The following CTNNA3 variants were observed in gnomAD, a reference collection of about 807,000 sequenced individuals.
The protein encoded by CTNNA3 is catenin alpha-3.
CTNNA3 carries 76 observed loss-of-function variants against 95.7 expected under a neutral mutation model. The ratio of observed to expected loss-of-function variants is 0.79; its 90% CI spans 0.66 to 0.96. The LOEUF (loss-of-function observed/expected upper bound fraction) is 0.96, where lower values mean the gene tolerates loss of function less well. CTNNA3 is among the 40% of genes least tolerant of loss of function. The pLI is 0.00. For missense variants in CTNNA3, 1,191 were observed against 1,089.8 expected (o/e 1.09, Z -1.31); for synonymous variants, 431 against 374.4 (o/e 1.15, Z -1.74).
At chr10:66,274,749 C>T (rs1256045622) in intron 13 of CTNNA3, among the ~76,000 whole-genome samples, 1 of 152,068 alleles carries the variant, frequency 6.6e-6, no homozygotes. Flanking sequence ...AATGTAACCA[C>T]CTCAAATGAT....
chr10:65,920,030 G>A lies in CTNNA3; in HGVS notation c.*300C>T. The A allele has an allele frequency of 2.8e-6, 1 of 357,872 alleles. No homozygotes were observed. Among genetic ancestry groups the A allele is most frequent in the South Asian group, 3.6e-5 (1 of 27,488 alleles). 22.2% of individuals were successfully genotyped at this position (357,872 alleles called of 1,614,324 possible). ...TAAACAGGACTCTCTGGCCTCTCCTGTGTTTATTTGGTAACGAATAGTAGA... is the reference window on the plus strand; with the variant it reads ...TAAACAGGACTCTCTGGCCTCTCCTATGTTTATTTGGTAACGAATAGTAGA... On this transcript the variant is annotated 3_prime_UTR_variant, in exon 18 of 18. Coordinates refer to ENST00000433211, the MANE Select transcript of CTNNA3 (RefSeq NM_013266.4).
chr10:67,632,099 T>A (rs1333126801), intron 2 of CTNNA3, among the ~76,000 whole-genome samples: 1 of 148,460 alleles, frequency 6.7e-6, no homozygotes, highest in African/African-American at 2.5e-5. Context: ...TGAAATTTGA[T>A]AAGAAAGTAG....
intron 5 of CTNNA3, among the ~76,000 whole-genome samples, chr10:67,345,724 G>C (rs905632304): frequency 1.3e-5 from 2 of 151,888 alleles, no homozygotes; most frequent in Non-Finnish European, 2.9e-5. Context: ...GTCTTTATAG[G>C]TGAAGTGTGT....
At chr10:67,597,710 G>A (rs1182126448) in intron 3 of CTNNA3, among the ~76,000 whole-genome samples, 1 of 152,200 alleles carries the variant, frequency 6.6e-6, no homozygotes, top group South Asian at 2.1e-4. Context: ...TGTCAGTGGG[G>A]TTCATGCTCA....
At chr10:66,481,597 G>T (rs1252222325) in intron 11 of CTNNA3, among the ~76,000 whole-genome samples, 1 of 143,074 alleles carries the variant, frequency 7.0e-6, no homozygotes, top group Non-Finnish European at 1.5e-5. Flanking sequence ...TCAGCCTCCC[G>T]AGTAGCTGGG....
chr10:66,327,245 A>G (rs963623866), intron 12 of CTNNA3, among the ~76,000 whole-genome samples: 5 of 152,126 alleles, frequency 3.3e-5, no homozygotes, highest in Non-Finnish European at 5.9e-5. Flanking sequence ...GTGAATGTTC[A>G]AATAGGAATG....
intron 5 of CTNNA3, among the ~76,000 whole-genome samples, chr10:67,515,805 T>A (rs936034595): frequency 2.0e-5 from 3 of 152,198 alleles, no homozygotes; most frequent in African/African-American, 7.2e-5. Flanking sequence ...TACTTCATCT[T>A]ACAAAGGTCA....
chr10:66,800,025 G>A (rs1171128409), intron 7 of CTNNA3, among the ~76,000 whole-genome samples: 1 of 151,194 alleles, frequency 6.6e-6, no homozygotes, highest in African/African-American at 2.4e-5. Flanking sequence ...AAAGTTCAGA[G>A]AATTAGTTCT....
At chr10:67,099,772 C>A (rs1353043088) in intron 7 of CTNNA3, 1 of 152,018 alleles carries the variant, frequency 6.6e-6, no homozygotes, top group Non-Finnish European at 1.5e-5. Context: ...ATTATTTGCT[C>A]TTCAAAAATT....
In CTNNA3 at chr10:65,932,446, C is replaced by T. The variant is rs140629232; in HGVS notation, c.2401-11829G>A. On this transcript the variant is annotated intron_variant, in intron 17 of 17. Coordinates refer to ENST00000433211, the MANE Select transcript of CTNNA3 (RefSeq NM_013266.4). ...ATGCTTTAAAATATTATCTATAATCCTAGTAACAGCCTTGTGATGTAGGTA... is the reference window on the plus strand; with the variant it reads ...ATGCTTTAAAATATTATCTATAATCTTAGTAACAGCCTTGTGATGTAGGTA... Among the ~76,000 whole-genome samples, 15 of 152,230 alleles carry T rather than the reference C, an allele frequency of 9.9e-5. No homozygotes were observed. In the East Asian group the frequency reaches 2.9e-3, roughly 29 times the overall value.
chr10:66,973,726 T>C (rs925602298), intron 7 of CTNNA3, among the ~76,000 whole-genome samples: 2 of 152,082 alleles, frequency 1.3e-5, no homozygotes, highest in Non-Finnish European at 2.9e-5. Context: ...CAGGTTCAAG[T>C]GATTCTCCTG....
intron 2 of CTNNA3, among the ~76,000 whole-genome samples, chr10:67,617,437 T>A (rs1478212818): frequency 1.3e-5 from 2 of 150,420 alleles, no homozygotes; most frequent in Non-Finnish European, 3.0e-5. Flanking sequence ...CATGATCTCA[T>A]TTTTTTTTAA....
chr10:66,836,206 T>C (rs1277585920), intron 7 of CTNNA3, among the ~76,000 whole-genome samples: 1 of 152,162 alleles, frequency 6.6e-6, no homozygotes, highest in African/African-American at 2.4e-5. Context: ...CCATGTTTGC[T>C]AGCCAGCTCC....
intron 5 of CTNNA3, among the ~76,000 whole-genome samples, chr10:67,515,889 G>T (rs1839796101): frequency 6.6e-6 from 1 of 152,124 alleles, no homozygotes; most frequent in African/African-American, 2.4e-5. Context: ...ATTCAGTCCA[G>T]CTCCCACTTA....
At chr10:66,068,972 G>T (rs1378509842) in intron 15 of CTNNA3, among the ~76,000 whole-genome samples, 1 of 152,076 alleles carries the variant, frequency 6.6e-6, no homozygotes, top group Non-Finnish European at 1.5e-5. Context: ...CAACCATTCA[G>T]ATAGCTCCAA....
chr10:67,571,943 A>G (rs1243906725), intron 3 of CTNNA3, among the ~76,000 whole-genome samples: 2 of 152,204 alleles, frequency 1.3e-5, no homozygotes, highest in African/African-American at 2.4e-5. Context: ...TTTTTCAACT[A>G]TAAGTTTTTA....
chr10:67,005,682 C>CTTTTTTTTTTTTTTG (rs1851928523), intron 7 of CTNNA3, among the ~76,000 whole-genome samples: 1 of 61,976 alleles, frequency 1.6e-5, no homozygotes, highest in Non-Finnish European at 2.9e-5. Flanking sequence ...TTTACTCCAT[C>CTTTTTTTTTTTTTTG]TTTTTTTTTT....
chr10:65,962,308 A>G (rs1043280892), intron 17 of CTNNA3, among the ~76,000 whole-genome samples: 12 of 152,146 alleles, frequency 7.9e-5, no homozygotes, highest in African/African-American at 1.2e-4. Flanking sequence ...ATGAGTTTCC[A>G]TACTCACCGT....
intron 10 of CTNNA3, among the ~76,000 whole-genome samples, chr10:66,615,080 G>T (rs1844463015): frequency 6.6e-6 from 1 of 151,890 alleles, no homozygotes; most frequent in South Asian, 2.1e-4. Flanking sequence ...AGCTCACTAT[G>T]GCTTAAAACA....
Sources: gnomAD v4.1 joint callset for allele counts (sites outside exome capture counted in the v4.1 genomes callset) on GRCh38, gnomAD v4.1.1 for gene constraint, MANE v1.5 for transcripts, NCBI Gene and HGNC (gene_info 2026-07-23, HGNC 2026-07-21) for gene names.